The following TRIM74 variants were observed in gnomAD, a reference collection of about 807,000 sequenced individuals.
TRIM74 encodes tripartite motif containing 74, also known as tripartite motif-containing protein 74.
TRIM74 carries 3 observed loss-of-function variants against 14.5 expected under a neutral mutation model. The observed-to-expected ratio is 0.21, with a 90% confidence interval of 0.09 to 0.53. The LOEUF is 0.53. Among genes scored for constraint, TRIM74 ranks in the 20% least tolerant of loss-of-function variants. The probability of loss-of-function intolerance (pLI) is 0.95; values close to 1 mark genes in which losing one functional copy is unlikely to be tolerated. For synonymous variants in TRIM74, 10 were observed against 71.3 expected (o/e 0.14, Z 4.33); for missense variants, 26 against 174.0 (o/e 0.15, Z 4.79).
downstream of TRIM74, chr7:72,955,105 A>C: frequency 6.7e-6 from 1 of 148,794 alleles, no homozygotes; most frequent in African/African-American, 3.5e-5. Context: ...ATATATATAT[A>C]TATATATTTT....
downstream of TRIM74, chr7:72,954,875 G>C (rs1554505356): frequency 1.9e-6 from 1 of 538,930 alleles, no homozygotes; most frequent in South Asian, 1.8e-5. Flanking sequence ...GGGCTAGGGA[G>C]TGCGACGCTG....
intron 2 of TRIM74, among the ~76,000 whole-genome samples, chr7:72,962,659 C>A (rs1479811535): frequency 1.1e-5 from 1 of 91,022 alleles, no homozygotes; most frequent in African/African-American, 4.8e-5. Context: ...CCAGCCTGGG[C>A]GACAGAGCGA....
At chr7:72,963,200 T>C (rs1251839751) in intron 2 of TRIM74, among the ~76,000 whole-genome samples, 1 of 152,260 alleles carries the variant, frequency 6.6e-6, no homozygotes, top group African/African-American at 2.4e-5. Flanking sequence ...TTTATACCCA[T>C]GCAATGTACA....
downstream of TRIM74, chr7:72,954,939 T>A (rs1405490434): frequency 7.4e-5 from 44 of 591,374 alleles, no homozygotes; most frequent in Middle Eastern, 1.1e-3. Context: ...TTTCGCCACT[T>A]CTTCTCCAGT....
At chr7:72,966,473 G>A (rs1798278355) in intron 1 of TRIM74, among the ~76,000 whole-genome samples, 1 of 128,362 alleles carries the variant, frequency 7.8e-6, no homozygotes, top group Admixed American at 7.3e-5. Flanking sequence ...CATCTGCAGG[G>A]TCATTTGCAG....
At chr7:72,955,524 T>A (rs1259524800), downstream of TRIM74, among the ~76,000 whole-genome samples, 3 of 147,600 alleles carry the variant, frequency 2.0e-5, no homozygotes, top group Non-Finnish European at 4.5e-5. Flanking sequence ...CACAATGTGG[T>A]TCATGATACC....
Position 72,963,641 on chromosome 7 carries a change from C to T in TRIM74, c.399+2118G>A, listed in dbSNP as rs1388595086. 7.5e-3 allele frequency among the ~76,000 whole-genome samples: 1,037 copies of T among 138,206 alleles called. 7 individuals carry two copies. Among genetic ancestry groups the T allele is most frequent in the Middle Eastern group, 0.018 (5 of 272 alleles). 90.7% of individuals were successfully genotyped at this position (138,206 alleles called of 152,430 possible). A position where few individuals can be genotyped will look rare whatever the true frequency, so the allele number is the denominator to read the frequency against. ...ATCCCAGCACTTTGGGAGGCCGAGA[C>T]GGGAGGATCACTTGAGGCCAGGAGT... On this transcript the variant is annotated intron_variant, in intron 2 of 4. Transcript: ENST00000285805.
At chr7:72,959,990 A>G in intron 4 of TRIM74, 31 bp downstream of exon 4, 13 of 1,607,852 alleles carry the variant, frequency 8.1e-6, no homozygotes, top group Non-Finnish European at 1.1e-5. Flanking sequence ...CCTGGCGGGT[A>G]TGGGGATGGG....
chr7:72,967,429 T>A (rs1309723181), intron 1 of TRIM74, among the ~76,000 whole-genome samples: 15 of 152,262 alleles, frequency 9.9e-5, no homozygotes, highest in East Asian at 5.8e-4. Flanking sequence ...AGCTAATTTT[T>A]AAAATTTTTT....
At chr7:72,967,124 G>A (rs1236017057) in intron 1 of TRIM74, among the ~76,000 whole-genome samples, 2 of 152,302 alleles carry the variant, frequency 1.3e-5, no homozygotes, top group African/African-American at 4.8e-5. Flanking sequence ...GGCCACTGTG[G>A]AGGAGGGGCA....
chr7:72,963,666 T>C (rs1241375842), intron 2 of TRIM74, among the ~76,000 whole-genome samples: 1 of 141,958 alleles, frequency 7.0e-6, no homozygotes, highest in African/African-American at 2.6e-5. Context: ...AGGCCAGGAG[T>C]TTGAGTCCAG....
At chr7:72,955,073 ATG>A, downstream of TRIM74, 6 of 540,482 alleles carry the variant, frequency 1.1e-5, no homozygotes, top group South Asian at 9.7e-5. Context: ...TGTGTGTATT[ATG>A]TGTGTATGTG....
chr7:72,955,710 T>A (rs1554505565), downstream of TRIM74, among the ~76,000 whole-genome samples: 1 of 139,694 alleles, frequency 7.2e-6, no homozygotes, highest in African/African-American at 2.8e-5. Flanking sequence ...TCCCACTCCG[T>A]CACCCAGGCT....
intron 1 of TRIM74, chr7:72,966,737 C>T (rs1798286353): frequency 1.5e-5 from 1 of 67,752 alleles, no homozygotes; most frequent in Non-Finnish European, 2.7e-5. Flanking sequence ...CCTACAAGGC[C>T]TCTACCCTGA....
intron 2 of TRIM74, among the ~76,000 whole-genome samples, chr7:72,963,926 A>C (rs1262979131): frequency 3.9e-5 from 2 of 50,994 alleles, no homozygotes; most frequent in East Asian, 9.5e-4. Context: ...TGCTACATTT[A>C]ACACTTTTCA....
downstream of TRIM74, among the ~76,000 whole-genome samples, chr7:72,955,613 A>G (rs566923216): frequency 6.6e-6 from 1 of 150,792 alleles, no homozygotes; most frequent in East Asian, 1.9e-4. Flanking sequence ...GGTACCTGAA[A>G]TGGGCCGGTT....
downstream of TRIM74, chr7:72,955,105 AT>A (rs1798066875): frequency 6.7e-6 from 1 of 148,790 alleles, no homozygotes; most frequent in African/African-American, 3.5e-5. Flanking sequence ...ATATATATAT[AT>A]ATATATTTTT....
intron 2 of TRIM74, among the ~76,000 whole-genome samples, chr7:72,962,666 G>A (rs1342735624): frequency 1.7e-5 from 2 of 115,166 alleles, no homozygotes; most frequent in Admixed American, 8.3e-5. Flanking sequence ...GGGCGACAGA[G>A]CGAGACTCCG....
upstream of TRIM74, chr7:72,969,537 A>C: frequency 9.4e-7 from 1 of 1,065,392 alleles, no homozygotes; most frequent in Non-Finnish European, 1.4e-6. Context: ...TGGTCCCGTT[A>C]CGTGTCCCAT....
Sources: allele counts gnomAD v4.1 joint callset (sites outside exome capture counted in the v4.1 genomes callset), GRCh38; gene constraint gnomAD v4.1.1; transcripts MANE v1.5; gene names NCBI Gene and HGNC (gene_info 2026-07-23, HGNC 2026-07-21).